TMEM114: variants seen among roughly 807,000 people sequenced by gnomAD.
The protein encoded by TMEM114 is claudin-26.
A neutral mutation model predicts 6.2 loss-of-function variants in TMEM114; 6 were observed. That is an observed-to-expected ratio of 0.97 (90% CI 0.53 to 1.91). TMEM114 has a LOEUF of 1.91. Ranked by LOEUF, TMEM114 falls within the 40% of genes most tolerant of loss-of-function variation. The pLI is 0.01. For synonymous variants in TMEM114, 104 were observed against 73.0 expected (o/e 1.42, Z -2.16); for missense variants, 218 against 158.3 (o/e 1.38, Z -2.02).
intron 2 of TMEM114, among the ~76,000 whole-genome samples, chr16:8,554,714 T>C (rs958686255): frequency 3.3e-5 from 5 of 152,138 alleles, no homozygotes; most frequent in Non-Finnish European, 1.5e-5. Flanking sequence ...CAAATAAGAA[T>C]CCTAAAAGCA....
chr16:8,557,107 C>T (rs990767228), intron 2 of TMEM114, among the ~76,000 whole-genome samples: 1 of 152,172 alleles, frequency 6.6e-6, no homozygotes, highest in African/African-American at 2.4e-5. Flanking sequence ...TCTAGCAGCT[C>T]TCCAATCCCC....
the TMEM114 span, among the ~76,000 whole-genome samples, chr16:8,531,267 C>G: frequency 6.6e-6 from 1 of 152,156 alleles, no homozygotes; most frequent in Non-Finnish European, 1.5e-5. Flanking sequence ...CCTTAGCATT[C>G]AGAGATGAAG....
intron 2 of TMEM114, among the ~76,000 whole-genome samples, chr16:8,583,887 C>T (rs1243566953): frequency 6.6e-6 from 1 of 152,228 alleles, no homozygotes; most frequent in Non-Finnish European, 1.5e-5. Context: ...ATCCTCCCCA[C>T]CTTCCCACCC....
At chr16:8,561,433 G>T (rs1217366018) in intron 2 of TMEM114, among the ~76,000 whole-genome samples, 1 of 152,172 alleles carries the variant, frequency 6.6e-6, no homozygotes, top group Non-Finnish European at 1.5e-5. Context: ...CATGTTTACT[G>T]TCTGTCATAC....
intron 2 of TMEM114, among the ~76,000 whole-genome samples, chr16:8,547,913 C>T (rs1900722880): frequency 6.6e-6 from 1 of 152,084 alleles, no homozygotes; most frequent in Admixed American, 6.6e-5. Context: ...CTTTGATGGG[C>T]CTGTGGCCTG....
chr16:8,588,436 G>T (rs1265433044), intron 2 of TMEM114, among the ~76,000 whole-genome samples: 1 of 152,194 alleles, frequency 6.6e-6, no homozygotes, highest in African/African-American at 2.4e-5. Context: ...ATAGGGTGTG[G>T]CTGTGGGAAT....
chr16:8,558,032 T>A (rs1165512548), intron 2 of TMEM114, among the ~76,000 whole-genome samples: 4 of 152,124 alleles, frequency 2.6e-5, no homozygotes, highest in Non-Finnish European at 5.9e-5. Context: ...GGCAGGCGGA[T>A]CACCTGATGT....
intron 2 of TMEM114, among the ~76,000 whole-genome samples, chr16:8,559,233 G>A (rs2063540549): frequency 6.6e-6 from 1 of 151,932 alleles, no homozygotes; most frequent in Admixed American, 6.6e-5. Context: ...AGCAGAGACG[G>A]GGTTTCACCG....
At chr16:8,534,907 A>G (rs1226594049), downstream of TMEM114, among the ~76,000 whole-genome samples, 2 of 152,250 alleles carry the variant, frequency 1.3e-5, no homozygotes, top group Admixed American at 6.5e-5. Context: ...TAGACAAAGT[A>G]ACATGTGCCC....
chr16:8,579,253 T>G (rs1357654119), intron 2 of TMEM114, among the ~76,000 whole-genome samples: 2 of 152,184 alleles, frequency 1.3e-5, no homozygotes, highest in Non-Finnish European at 2.9e-5. Flanking sequence ...GTCAATGCTC[T>G]TACGCAGAGC....
intron 2 of TMEM114, among the ~76,000 whole-genome samples, chr16:8,544,630 C>T (rs887651593): frequency 6.6e-6 from 1 of 152,320 alleles, no homozygotes. Flanking sequence ...TTAGACTTTA[C>T]CCTACAGGCC....
At chr16:8,579,988 GA>G (rs1179406308) in intron 2 of TMEM114, among the ~76,000 whole-genome samples, 1 of 152,086 alleles carries the variant, frequency 6.6e-6, no homozygotes, top group Non-Finnish European at 1.5e-5. Flanking sequence ...TGAGAAGTAG[GA>G]GAGGGATTCC....
chr16:8,562,149 T>TGAATGAGTGAGTTAGG (rs1901251487), intron 2 of TMEM114, among the ~76,000 whole-genome samples: 1 of 149,636 alleles, frequency 6.7e-6, no homozygotes, highest in African/African-American at 2.5e-5. Flanking sequence ...AGTGAGTTAG[T>TGAATGAGTGAGTTAGG]GAATAAGTGA....
chr16:8,540,411 T>C (rs1318382101), intron 2 of TMEM114, among the ~76,000 whole-genome samples: 2 of 152,200 alleles, frequency 1.3e-5, no homozygotes, highest in African/African-American at 2.4e-5. Flanking sequence ...ATAAGAGTGA[T>C]GATGATTGCA....
At chr16:8,551,224 G>A (rs575554009) in intron 2 of TMEM114, among the ~76,000 whole-genome samples, 1 of 152,238 alleles carries the variant, frequency 6.6e-6, no homozygotes, top group South Asian at 2.1e-4. Context: ...GCCAGACTTT[G>A]TTAATTTCAT....
intron 2 of TMEM114, among the ~76,000 whole-genome samples, chr16:8,560,580 G>A (rs903281117): frequency 6.6e-6 from 1 of 152,130 alleles, no homozygotes; most frequent in Admixed American, 6.6e-5. Flanking sequence ...GAGGTAGCCC[G>A]GGATGTCAAA....
intron 2 of TMEM114, among the ~76,000 whole-genome samples, chr16:8,540,742 G>A (rs1356106220): frequency 1.3e-5 from 2 of 152,222 alleles, no homozygotes; most frequent in African/African-American, 4.8e-5. Context: ...TTACAGACTG[G>A]TGGGAGAGAT....
rs1901756925 is a variant in TMEM114, at chr16:8,572,183, TC to T, written c.342del (p.Ile115SerfsTer2). 1 of 1,551,414 alleles carries T rather than the reference TC, an allele frequency of 6.4e-7. No homozygotes were observed. ...GTCATCCCCCCAAAAACCATCAGGA[TC>T]AGGCTGAGCGGCAGCAGAATCACAA... is the stretch of plus-strand genomic sequence containing the variant. ...GTFVILLPLS[L>X]ILMVFGGMTG... On this transcript the variant is annotated frameshift_variant, in exon 3 of 4. Coordinates refer to ENST00000620492, the MANE Select transcript of TMEM114 (RefSeq NM_001146336.2). LOFTEE classifies it high-confidence loss of function.
rs1305555438 is a variant in TMEM114 at position 8,569,878 on chromosome 16, C to T, written c.567G>A (p.Leu189=). 1.3e-6 allele frequency: 2 copies of T among 1,551,186 alleles called. No individual in the cohort carries two copies. The highest frequency in any genetic ancestry group is 1.7e-6 in the Non-Finnish European group (2 of 1,146,958). ...CGATGAAGCTGATCCAGCCCAGGGC[C>T]AGGGACCAGCCGAAGCTGATGTCCA... is the stretch of plus-strand genomic sequence containing the variant. ...DQVDISFGWS[L]ALGWISFIAE... is the part of the protein sequence containing the mutation. The change falls in exon 4 of 4, where the codon CTG becomes CTA. Residue 189 remains leucine (L), a synonymous_variant. Transcript: ENST00000620492.
Sources: allele counts gnomAD v4.1 joint callset (sites outside exome capture counted in the v4.1 genomes callset), GRCh38; gene constraint gnomAD v4.1.1; transcripts MANE v1.5; gene names NCBI Gene and HGNC (gene_info 2026-07-23, HGNC 2026-07-21).